Variants in CCDC33 observed in about 807,000 individuals in gnomAD.
CCDC33 encodes the protein coiled-coil domain containing 33.
CCDC33 carries 94 observed loss-of-function variants against 91.9 expected under a neutral mutation model. That is an observed-to-expected ratio of 1.02 (90% CI 0.87 to 1.21). The LOEUF is 1.21. CCDC33 is among the 50% of genes most tolerant of loss of function. The pLI is 0.00. For synonymous variants in CCDC33, 396 were observed against 374.5 expected, an observed-to-expected ratio of 1.06 and a Z score of -0.66; for missense variants, 940 against 935.5, an observed-to-expected ratio of 1.00 and a Z score of -0.06.
At chr15:74,206,114 C>A (rs2074256096) in intron 1 of CCDC33, among the ~76,000 whole-genome samples, 1 of 152,174 alleles carries the variant, frequency 6.6e-6, no homozygotes, top group Admixed American at 6.5e-5. Context: ...GAACTCTCCC[C>A]ACAAGGCCCC....
At chr15:74,257,444 C>T (rs956088758) in intron 2 of CCDC33, among the ~76,000 whole-genome samples, 17 of 152,192 alleles carry the variant, frequency 1.1e-4, no homozygotes, top group Non-Finnish European at 2.9e-5. Flanking sequence ...TGAGGAGTCC[C>T]TGGGCACAAC....
intron 11 of CCDC33, chr15:74,299,486 G>A (rs989514648): frequency 6.6e-6 from 1 of 152,304 alleles, no homozygotes; most frequent in African/African-American, 2.4e-5. Context: ...GACAGCAAGA[G>A]AATCAGAAAG....
intron 4 of CCDC33, among the ~76,000 whole-genome samples, chr15:74,267,118 C>T (rs1466520707): frequency 1.3e-5 from 2 of 152,202 alleles, no homozygotes; most frequent in African/African-American, 2.4e-5. Context: ...CAATATTTAC[C>T]GAGTACCCGC....
intron 2 of CCDC33, among the ~76,000 whole-genome samples, chr15:74,222,501 C>G (rs1001811145): frequency 2.0e-5 from 3 of 150,694 alleles, no homozygotes; most frequent in Non-Finnish European, 4.4e-5. Flanking sequence ...TTAAATGACA[C>G]TTTCAAGGTT....
intron 11 of CCDC33, among the ~76,000 whole-genome samples, chr15:74,320,099 G>C (rs946614974): frequency 1.3e-5 from 2 of 152,104 alleles, no homozygotes; most frequent in East Asian, 3.8e-4. Flanking sequence ...GATGACATTC[G>C]AGGGGAACCA....
At chr15:74,224,708 G>C (rs182278465) in intron 2 of CCDC33, among the ~76,000 whole-genome samples, 14 of 152,330 alleles carry the variant, frequency 9.2e-5, no homozygotes, top group Non-Finnish European at 1.5e-4. Context: ...AGCAATTTCT[G>C]TGCCCTTTAT....
At chr15:74,224,095 G>A (rs759870937) in intron 2 of CCDC33, among the ~76,000 whole-genome samples, 8 of 152,202 alleles carry the variant, frequency 5.3e-5, no homozygotes, top group Non-Finnish European at 1.2e-4. Context: ...CGTTCTCAGA[G>A]AATGCTGTCA....
rs763346163 is a variant in CCDC33, at chr15:74,318,683, T to C, written c.1291-11506T>C. Reference sequence around the variant, plus strand: ...TGTAAGTCGCCCCCTCGCCCACTGGTTCTGGGAAGATGGGTTGGCTCGCCT... The same window carrying C: ...TGTAAGTCGCCCCCTCGCCCACTGGCTCTGGGAAGATGGGTTGGCTCGCCT... On this transcript the variant is annotated intron_variant, in intron 11 of 18. Transcript: ENST00000398814. 7.9e-6 allele frequency: 6 copies of C among 756,126 alleles called. No individual in the cohort carries two copies. The Admixed American group carries it at 1.1e-4, about 13-fold the overall frequency. 46.8% of individuals were successfully genotyped at this position (756,126 alleles called of 1,614,324 possible).
At position 74,281,845 on chromosome 15, in the gene CCDC33, C is replaced by T; in HGVS notation, c.1091C>T (p.Ser364Phe). 1 of 1,613,944 alleles carries T rather than the reference C, an allele frequency of 6.2e-7. No homozygotes were observed. The highest frequency in any genetic ancestry group is 1.1e-5 in the South Asian group (1 of 91,048). The change falls in exon 10 of 19, where the codon TCT becomes TTT. Residue 364 changes from serine to phenylalanine, a missense_variant. Ser to Phe is a radical substitution (Grantham distance 155). Coordinates refer to ENST00000398814, the MANE Select transcript of CCDC33 (RefSeq NM_025055.5). ...TVALSFQLLS[S>F]ERPENFLTPN... ...GCTCTCTCCTTCCAGCTGCTTTCCT[C>T]TGAGGTAAGGCTGTGGGCCAGGGGA...
At chr15:74,267,898 A>T (rs1225557248) in intron 4 of CCDC33, among the ~76,000 whole-genome samples, 1 of 152,170 alleles carries the variant, frequency 6.6e-6, no homozygotes, top group Non-Finnish European at 1.5e-5. Context: ...TTCTTCAATC[A>T]TGGCACCAGG....
chr15:74,310,598 A>G (rs2142739969), intron 11 of CCDC33, among the ~76,000 whole-genome samples: 1 of 151,906 alleles, frequency 6.6e-6, no homozygotes, highest in African/African-American at 2.4e-5. Flanking sequence ...TGAGGTGGTC[A>G]GGGGGCATCC....
chr15:74,223,758 A>ACACC (rs2074690188), intron 2 of CCDC33, among the ~76,000 whole-genome samples: 1 of 102,450 alleles, frequency 9.8e-6, no homozygotes, highest in Non-Finnish European at 1.9e-5. Flanking sequence ...ACACACACAC[A>ACACC]CACACACGCA....
At chr15:74,334,937 G>C in intron 17 of CCDC33, 38 bp from the exon 18 acceptor site, 2 of 1,521,458 alleles carry the variant, frequency 1.3e-6, no homozygotes, top group Non-Finnish European at 1.8e-6. Flanking sequence ...TAGCCCTGCT[G>C]CCCATGGTCC....
At position 74,335,927 on chromosome 15, in the gene CCDC33, T is replaced by A. The variant is rs1392861933; in HGVS notation, c.2142T>A (p.Ser714Arg). ...PSNSIIIEQP[S>R]ALTHSMDLKQ... ...GCACCCCGCTTTGCACACCACAGAG[T>A]GCCCTCACCCACTCCATGGACCTCA... Residue 714 changes from serine to arginine, a missense_variant and splice_region_variant, in exon 19 of 19, where the codon AGT becomes AGA. Ser to Arg is a moderately radical substitution (Grantham distance 110). Transcript: ENST00000398814. 1 of 1,613,114 alleles carries A rather than the reference T, an allele frequency of 6.2e-7. No homozygotes were observed. The highest frequency in any genetic ancestry group is 2.2e-5 in the East Asian group (1 of 44,818).
intron 2 of CCDC33, among the ~76,000 whole-genome samples, chr15:74,252,526 C>A (rs183470829): frequency 1.8e-4 from 27 of 152,340 alleles, no homozygotes; most frequent in African/African-American, 6.0e-4. Context: ...CTGGTTCTAA[C>A]GGTGCAGTCC....
intron 10 of CCDC33, among the ~76,000 whole-genome samples, chr15:74,287,256 C>A (rs1404187122): frequency 2.0e-5 from 3 of 152,184 alleles, no homozygotes; most frequent in Non-Finnish European, 1.5e-5. Context: ...TCTGTTCCCA[C>A]CCCCAAGACT....
chr15:74,302,500 C>T (rs2059814924), intron 11 of CCDC33: 1 of 152,268 alleles, frequency 6.6e-6, no homozygotes, highest in African/African-American at 2.4e-5. Flanking sequence ...ACCCTACCTG[C>T]CTCTCAGGAT....
chr15:74,255,468 AC>A (rs1411163293), intron 2 of CCDC33, among the ~76,000 whole-genome samples: 1 of 152,170 alleles, frequency 6.6e-6, no homozygotes, highest in East Asian at 1.9e-4. Flanking sequence ...CTGTTCCCAT[AC>A]AAAGGTGGGG....
intron 11 of CCDC33, among the ~76,000 whole-genome samples, chr15:74,305,480 C>T (rs1221205358): frequency 1.3e-5 from 2 of 152,066 alleles, no homozygotes; most frequent in Non-Finnish European, 2.9e-5. Flanking sequence ...TCTGCAAAGG[C>T]CAAGGGAAGT....
Sources: allele counts gnomAD v4.1 joint callset (sites outside exome capture counted in the v4.1 genomes callset), GRCh38; gene constraint gnomAD v4.1.1; transcripts MANE v1.5; gene names NCBI Gene and HGNC (gene_info 2026-07-23, HGNC 2026-07-21).